The following TUSC3 variants were observed in gnomAD, a reference collection of about 807,000 sequenced individuals.
TUSC3 encodes dolichyl-diphosphooligosaccharide--protein glycosyltransferase subunit TUSC3.
TUSC3 carries 45 observed loss-of-function variants against 44.8 expected under a neutral mutation model. That is an observed-to-expected ratio of 1.00 (90% CI 0.79 to 1.29). The LOEUF (loss-of-function observed/expected upper bound fraction) is 1.29. Ranked by LOEUF, TUSC3 falls within the 50% of genes most tolerant of loss-of-function variation. The pLI, the probability that TUSC3 is intolerant of heterozygous loss-of-function variation, is 0.00. For synonymous variants in TUSC3, 212 were observed against 152.9 expected, an observed-to-expected ratio of 1.39 and a Z score of -2.85; for missense variants, 519 against 437.9, an observed-to-expected ratio of 1.19 and a Z score of -1.65.
chr8:15,782,356 G>T, the TUSC3 span, among the ~76,000 whole-genome samples: 1 of 152,044 alleles, frequency 6.6e-6, no homozygotes, highest in African/African-American at 2.4e-5. Flanking sequence ...TCATGTGCCT[G>T]TAGTCATAGC....
intron 8 of TUSC3, among the ~76,000 whole-genome samples, chr8:15,745,158 C>A (rs559467886): frequency 6.6e-6 from 1 of 152,096 alleles, no homozygotes; most frequent in East Asian, 1.9e-4. Flanking sequence ...ATGGTGCATA[C>A]ATACCACATT....
At chr8:15,727,603 A>G (rs1215485964) in intron 6 of TUSC3, among the ~76,000 whole-genome samples, 4 of 152,314 alleles carry the variant, frequency 2.6e-5, no homozygotes, top group Middle Eastern at 3.4e-3. Context: ...AGAAGTACAA[A>G]AGTCAAATGT....
chr8:15,682,318 T>A (rs1177760604), intron 6 of TUSC3, among the ~76,000 whole-genome samples: 2 of 152,272 alleles, frequency 1.3e-5, no homozygotes, highest in South Asian at 2.1e-4. Context: ...AGAATTTTTT[T>A]ATGAATGTTT....
At chr8:15,778,083 A>G in the TUSC3 span, among the ~76,000 whole-genome samples, 1 of 146,562 alleles carries the variant, frequency 6.8e-6, no homozygotes, top group Non-Finnish European at 1.5e-5. Context: ...TCAGACTCAG[A>G]GCCCACACTT....
At chr8:15,477,035 G>A (rs1275440266) in intron 1 of TUSC3, among the ~76,000 whole-genome samples, 1 of 152,080 alleles carries the variant, frequency 6.6e-6, no homozygotes, top group Non-Finnish European at 1.5e-5. Context: ...ACCCATCAGA[G>A]GTACTTACGA....
chr8:15,448,117 A>ATATATATATATATATATTTATTTATT (rs1276079521), intron 1 of TUSC3, among the ~76,000 whole-genome samples: 27,098 of 94,184 alleles, frequency 0.29, 5,139 homozygotes, highest in Non-Finnish European at 0.4. Flanking sequence ...ACATATATAT[A>ATATATATATATATATATTTATTTATT]TATTTATTTA....
the TUSC3 span, among the ~76,000 whole-genome samples, chr8:15,799,801 C>T: frequency 2.5e-4 from 38 of 152,142 alleles, no homozygotes; most frequent in Non-Finnish European, 5.0e-4. Flanking sequence ...AACAAGTGTG[C>T]CTGCCCCAGT....
the TUSC3 span, among the ~76,000 whole-genome samples, chr8:15,790,179 C>CTTTTTTTTT: frequency 1.7e-4 from 12 of 72,254 alleles, no homozygotes; most frequent in South Asian, 6.3e-4. Context: ...TTGTTAAGGC[C>CTTTTTTTTT]TTTTTTTTTT....
At chr8:15,685,858 G>GT (rs34405336) in intron 6 of TUSC3, among the ~76,000 whole-genome samples, 16,038 of 144,930 alleles carry the variant, frequency 0.11, 1,220 homozygotes, top group East Asian at 0.26. Context: ...TAGTTCTTAG[G>GT]TTTTTTTTTT....
chr8:15,806,991 C>G, the TUSC3 span: 1 of 1,462,004 alleles, frequency 6.8e-7, no homozygotes, highest in Non-Finnish European at 9.6e-7. Context: ...TGATTCCATT[C>G]TTTACATTTT....
chr8:15,504,786 G>A (rs1018644039), intron 2 of TUSC3, among the ~76,000 whole-genome samples: 25 of 149,742 alleles, frequency 1.7e-4, no homozygotes, highest in Admixed American at 2.7e-4. Flanking sequence ...CCTAGTAGCC[G>A]GAACTACAGG....
At chr8:15,783,139 A>T in the TUSC3 span, among the ~76,000 whole-genome samples, 1 of 152,184 alleles carries the variant, frequency 6.6e-6, no homozygotes, top group Admixed American at 6.6e-5. Flanking sequence ...TTAGGAGTAA[A>T]TTTAACCAAT....
chr8:15,617,260 C>G (rs1186411329), intron 1 of TUSC3, among the ~76,000 whole-genome samples: 3 of 151,514 alleles, frequency 2.0e-5, no homozygotes, highest in South Asian at 2.1e-4. Context: ...CTGCTTCAGC[C>G]TCCTGAGTAG....
intron 5 of TUSC3, among the ~76,000 whole-genome samples, chr8:15,670,303 C>A (rs1372171375): frequency 2.0e-5 from 3 of 151,734 alleles, no homozygotes; most frequent in African/African-American, 7.2e-5. Flanking sequence ...CTTACACTTA[C>A]AGATATCAAC....
At position 15,603,114 on chromosome 8, in the gene TUSC3, C is replaced by T. The variant is rs914120976; in HGVS notation, c.139-19966C>T. ...TCCTAGACAGAAGATATCATAGTTG[C>T]CACACATGTAGTTAATTACTAATAC... On this transcript the variant is annotated intron_variant, in intron 1 of 10. Transcript: ENST00000503731. Among the ~76,000 whole-genome samples the T allele has an allele frequency of 1.8e-4, 27 of 151,388 alleles. 1 individual carries two copies. Among genetic ancestry groups the T allele is most frequent in the Admixed American group, 1.8e-3 (27 of 15,140 alleles).
intron 1 of TUSC3, among the ~76,000 whole-genome samples, chr8:15,543,603 T>A (rs1288246650): frequency 6.6e-6 from 1 of 151,780 alleles, no homozygotes; most frequent in Non-Finnish European, 1.5e-5. Flanking sequence ...ATATAAAGAC[T>A]GTATATAAAA....
rs1159373431 is a variant in TUSC3, at chr8:15,758,108, C to T, written c.*46+253C>T. ...CATTTGACAGATGCAATGCTTCCACCCCCAACAAATATACTTTCTTAACTT... is the reference window on the plus strand; with the variant it reads ...CATTTGACAGATGCAATGCTTCCACTCCCAACAAATATACTTTCTTAACTT... On this transcript the variant is annotated intron_variant, in intron 10 of 10. Coordinates refer to ENST00000503731, the MANE Select transcript of TUSC3 (RefSeq NM_006765.4). The T allele has an allele frequency of 9.7e-6, 12 of 1,239,128 alleles. No individual in the cohort carries two copies. In the Admixed American group the frequency reaches 3.0e-4, roughly 31 times the overall value. 76.8% of individuals were successfully genotyped at this position (1,239,128 alleles called of 1,614,324 possible). A position where few individuals can be genotyped will look rare whatever the true frequency, so the allele number is the denominator to read the frequency against.
In TUSC3 at chr8:15,720,210, A is replaced by T. The variant is rs71524163; in HGVS notation, c.799-10456A>T. Among the ~76,000 whole-genome samples, 116 of 147,498 alleles carry T rather than the reference A, an allele frequency of 7.9e-4. 2 individuals carry two copies. Among genetic ancestry groups the T allele is most frequent in the Middle Eastern group, 3.4e-3 (1 of 290 alleles). On this transcript the variant is annotated intron_variant, in intron 6 of 10. Coordinates refer to ENST00000503731, the MANE Select transcript of TUSC3 (RefSeq NM_006765.4). ...ATAGTGTATATATATATACACACAC[A>T]CACACACACACACACACACACACAG...
At chr8:15,517,556 A>G (rs1241799114) in intron 2 of TUSC3, among the ~76,000 whole-genome samples, 2 of 85,722 alleles carry the variant, frequency 2.3e-5, no homozygotes, top group Non-Finnish European at 4.6e-5. Context: ...AAAAAAAAAA[A>G]GCCCACAACA....
Sources: allele counts gnomAD v4.1 joint callset (sites outside exome capture counted in the v4.1 genomes callset), GRCh38; gene constraint gnomAD v4.1.1; transcripts MANE v1.5; gene names NCBI Gene and HGNC (gene_info 2026-07-23, HGNC 2026-07-21).